Variants in PIEZO2 observed in about 807,000 individuals in gnomAD.
PIEZO2 encodes piezo-type mechanosensitive ion channel component 2.
Under a neutral mutation model 337.3 loss-of-function variants are expected in PIEZO2, and 172 were observed. The observed-to-expected ratio is 0.51, with a 90% CI of 0.45 to 0.58. PIEZO2 has a LOEUF of 0.58. Ranked by LOEUF, PIEZO2 falls within the 20% of genes least tolerant of loss-of-function variation. PIEZO2 has a pLI of 0.00. For missense variants in PIEZO2, 3,028 were observed against 3,391.3 expected, an observed-to-expected ratio of 0.89 and a Z score of 2.66; for synonymous variants, 1,251 against 1,228.5, an observed-to-expected ratio of 1.02 and a Z score of -0.38.
intron 2 of PIEZO2, among the ~76,000 whole-genome samples, chr18:11,051,695 A>G (rs1265171271): frequency 2.6e-5 from 4 of 152,200 alleles, no homozygotes; most frequent in African/African-American, 9.6e-5. Context: ...CGTGTCCCCT[A>G]TCTCAGACTG....
chr18:11,054,156 T>G (rs933823785), intron 2 of PIEZO2, among the ~76,000 whole-genome samples: 1 of 152,206 alleles, frequency 6.6e-6, no homozygotes, highest in Non-Finnish European at 1.5e-5. Flanking sequence ...AAGGCACAGT[T>G]TGTGAAGAGC....
At chr18:11,064,194 T>TA (rs1307907427) in intron 2 of PIEZO2, among the ~76,000 whole-genome samples, 1 of 152,198 alleles carries the variant, frequency 6.6e-6, no homozygotes, top group Non-Finnish European at 1.5e-5. Context: ...GTGTTCTGCC[T>TA]ACATGTTCAG....
intron 1 of PIEZO2, among the ~76,000 whole-genome samples, chr18:11,072,741 A>G (rs1178525000): frequency 6.6e-6 from 1 of 152,182 alleles, no homozygotes; most frequent in Non-Finnish European, 1.5e-5. Context: ...CGGGATCCTG[A>G]GTCTGTGCTG....
chr18:10,935,089 C>T (rs1379549813), intron 3 of PIEZO2, among the ~76,000 whole-genome samples: 1 of 152,126 alleles, frequency 6.6e-6, no homozygotes, highest in East Asian at 1.9e-4. Flanking sequence ...TTTCTGTTTT[C>T]GTCCTTACCT....
At chr18:11,076,613 G>T (rs1164208349) in intron 1 of PIEZO2, among the ~76,000 whole-genome samples, 1 of 151,880 alleles carries the variant, frequency 6.6e-6, no homozygotes, top group East Asian at 1.9e-4. Context: ...TACAAAGGTA[G>T]GATTCTGTTA....
rs549377146 is a variant in PIEZO2 at position 10,942,264 on chromosome 18, G to A, written c.287-31036C>T. On this transcript the variant is annotated intron_variant, in intron 3 of 55. Transcript: ENST00000674853. The surrounding 1 kb of genome is among the most constrained non-coding windows in gnomAD (Gnocchi z 4.4). ...CGATTTTGGAACTGGGTAACATGCAGAGGTTGGAACAGCTTAGAGGGCTCA... is the reference window on the plus strand; with the variant it reads ...CGATTTTGGAACTGGGTAACATGCAAAGGTTGGAACAGCTTAGAGGGCTCA... Among the ~76,000 whole-genome samples the A allele has an allele frequency of 8.5e-5, 13 of 152,196 alleles. No homozygotes were observed. The highest frequency in any genetic ancestry group is 1.6e-4 in the Non-Finnish European group (11 of 68,042).
intron 23 of PIEZO2, among the ~76,000 whole-genome samples, chr18:10,761,514 A>T (rs1342703843): frequency 1.3e-5 from 2 of 152,208 alleles, no homozygotes; most frequent in Admixed American, 1.3e-4. Flanking sequence ...CTTAGGGGGA[A>T]GCTTTTGAAC....
In PIEZO2 at chr18:11,126,474, C is replaced by G. The variant is rs1017974607; in HGVS notation, c.64+22051G>C. Among the ~76,000 whole-genome samples the G allele has an allele frequency of 6.6e-6, 1 of 152,116 alleles. No individual in the cohort carries two copies. Among genetic ancestry groups the G allele is most frequent in the African/African-American group, 2.4e-5 (1 of 41,424 alleles). ...CACAGTCCTCTTCCCACCTTTAGTG[C>G]CAGTTTCTTGGTCATCTCCCGCCAT... On this transcript the variant is annotated intron_variant, in intron 1 of 55. Coordinates refer to ENST00000674853, the MANE Select transcript of PIEZO2 (RefSeq NM_001378183.1). The surrounding 1 kb of genome is among the most constrained non-coding windows in gnomAD (Gnocchi z 4.6).
At chr18:10,913,958 A>C (rs1025415445) in intron 3 of PIEZO2, among the ~76,000 whole-genome samples, 14 of 152,174 alleles carry the variant, frequency 9.2e-5, no homozygotes, top group African/African-American at 3.1e-4. Context: ...CAAACTCCAC[A>C]TACCCTAGAG....
rs368736888 is a variant in PIEZO2, at chr18:10,888,657, G to C, written c.330-17242C>G. On this transcript the variant is annotated intron_variant, in intron 4 of 55. Transcript: ENST00000674853. This position sits in a 1 kb window ranked among gnomAD's most constrained non-coding sequence, Gnocchi z 4.1. Reference sequence around the variant, plus strand: ...GTGTTCATTCTGGTACTTTCAACTTGAGTTTAACTGCTCAGGATTCTTTCT... The same window carrying C: ...GTGTTCATTCTGGTACTTTCAACTTCAGTTTAACTGCTCAGGATTCTTTCT... 1.1e-3 allele frequency among the ~76,000 whole-genome samples: 162 copies of C among 152,022 alleles called. 1 individual carries two copies. In the South Asian group the frequency reaches 0.011, roughly 11 times the overall value.
chr18:10,758,681 G>A (rs1479027182), intron 26 of PIEZO2, among the ~76,000 whole-genome samples: 2 of 152,142 alleles, frequency 1.3e-5, no homozygotes, highest in Non-Finnish European at 1.5e-5. Flanking sequence ...CTTTTTATGT[G>A]TGGTGGATGC....
In PIEZO2 at chr18:10,784,007, C is replaced by G. The variant is rs531733584; in HGVS notation, c.2492+777G>C. Among the ~76,000 whole-genome samples the G allele has an allele frequency of 6.6e-6, 1 of 152,278 alleles. No homozygotes were observed. The highest frequency in any genetic ancestry group is 6.5e-5 in the Admixed American group (1 of 15,300). The stretch of plus-strand genomic sequence containing the variant: ...CCTCTGTGCTCCTCTCAATACAGCC[C>G]TTTGCTCCCTTAGCTGCTTAACAAG... On this transcript the variant is annotated intron_variant, in intron 17 of 55. Coordinates refer to ENST00000674853, the MANE Select transcript of PIEZO2 (RefSeq NM_001378183.1). This position sits in a 1 kb window ranked among gnomAD's most constrained non-coding sequence, Gnocchi z 4.5.
At position 10,800,446 on chromosome 18, in the gene PIEZO2, G is replaced by C; in HGVS notation, c.1269C>G (p.Pro423=). 6.5e-7 allele frequency: 1 copy of C among 1,534,904 alleles called. No homozygotes were observed. The highest frequency in any genetic ancestry group is 8.7e-7 in the Non-Finnish European group (1 of 1,145,974). Residue 423 remains proline, a synonymous_variant, in exon 11 of 56, where the codon CCC becomes CCG. Transcript: ENST00000674853. ...DGLLVTVNGN[P]VDYHTIHPSL... ...TTGGGTGGATGGTGTGGTAATCCAC[G>C]GGGTTGCCGTTCACAGTCACCAGCA...
chr18:10,817,546 T>G (rs2040397381), intron 7 of PIEZO2, among the ~76,000 whole-genome samples: 1 of 152,192 alleles, frequency 6.6e-6, no homozygotes, highest in Admixed American at 6.5e-5. Context: ...ACAATTTGAT[T>G]ATGACCTTCT....
At chr18:10,944,676 C>T (rs2032925540) in intron 3 of PIEZO2, among the ~76,000 whole-genome samples, 2 of 151,424 alleles carry the variant, frequency 1.3e-5, no homozygotes, top group African/African-American at 4.9e-5. Flanking sequence ...GTGAACACAA[C>T]ATTAGAGGCA....
Position 11,069,910 on chromosome 18 carries a change from C to A in PIEZO2, c.65-3688G>T, listed in dbSNP as rs2038278334. On this transcript the variant is annotated intron_variant, in intron 1 of 55. Coordinates refer to ENST00000674853, the MANE Select transcript of PIEZO2 (RefSeq NM_001378183.1). The surrounding 1 kb of genome is among the most constrained non-coding windows in gnomAD (Gnocchi z 4.9). ...TATCTGAAAAAGAAATTTAAAAAAT[C>A]CCATTCACAATAGCTACAAATAATA... Among the ~76,000 whole-genome samples, 1 of 152,210 alleles carries A rather than the reference C, an allele frequency of 6.6e-6. No individual in the cohort carries two copies. The highest frequency in any genetic ancestry group is 1.9e-4 in the East Asian group (1 of 5,186).
chr18:10,875,044 G>A (rs532978937), intron 4 of PIEZO2, among the ~76,000 whole-genome samples: 2 of 152,164 alleles, frequency 1.3e-5, no homozygotes, highest in South Asian at 2.1e-4. Context: ...ACTTTATATT[G>A]TATGAATGTA....
At position 10,857,009 on chromosome 18, in the gene PIEZO2, C is replaced by T; in HGVS notation, c.695G>A (p.Gly232Asp). ...AGKVVVTILL[G>D]SSGMMLPSLT... is the part of the protein sequence containing the mutation. The stretch of plus-strand genomic sequence containing the variant: ...GTGTGGGAGACACTCACCCGAGGAG[C>T]CCAGTAAGATGGTAACAACGACTTT... Residue 232 changes from glycine to aspartate, a missense_variant, in exon 6 of 56, where the codon GGC becomes GAC. Transcript: ENST00000674853. 6.5e-7 allele frequency: 1 copy of T among 1,537,232 alleles called. No individual in the cohort carries two copies. The highest frequency in any genetic ancestry group is 1.2e-5 in the South Asian group (1 of 84,062).
At chr18:10,796,434 T>C (rs1230880831) in intron 12 of PIEZO2, among the ~76,000 whole-genome samples, 1 of 151,824 alleles carries the variant, frequency 6.6e-6, no homozygotes, top group African/African-American at 2.4e-5. Flanking sequence ...TAAGATAAGA[T>C]GTGAATATAA....
Sources: allele counts gnomAD v4.1 joint callset (sites outside exome capture counted in the v4.1 genomes callset), GRCh38; gene constraint gnomAD v4.1.1; non-coding constraint Gnocchi (gnomAD v3.1); transcripts MANE v1.5; gene names NCBI Gene and HGNC (gene_info 2026-07-23, HGNC 2026-07-21).